AUTS2: variants seen among roughly 807,000 people sequenced by gnomAD.
AUTS2 encodes activator of transcription and developmental regulator AUTS2.
A neutral mutation model predicts 112.4 loss-of-function variants in AUTS2; 17 were observed. That is an observed-to-expected ratio of 0.15 (90% CI 0.10 to 0.23). The LOEUF (loss-of-function observed/expected upper bound fraction) is 0.23. AUTS2 is among the 10% of genes least tolerant of loss of function. The probability of loss-of-function intolerance (pLI) is 1.00; values close to 1 mark genes in which losing one functional copy is unlikely to be tolerated. For synonymous variants in AUTS2, 751 were observed against 702.7 expected, an observed-to-expected ratio of 1.07 and a Z score of -1.09; for missense variants, 1,510 against 1,701.6, an observed-to-expected ratio of 0.89 and a Z score of 1.98.
chr7:70,708,214 A>G (rs1225876105), intron 6 of AUTS2, among the ~76,000 whole-genome samples: 1 of 152,188 alleles, frequency 6.6e-6, no homozygotes, highest in Non-Finnish European at 1.5e-5. Flanking sequence ...CTCTGTTCAT[A>G]GCTGGGAAAG....
intron 6 of AUTS2, among the ~76,000 whole-genome samples, chr7:70,757,399 AT>A: frequency 6.6e-6 from 1 of 152,216 alleles, no homozygotes; most frequent in Admixed American, 6.5e-5. Flanking sequence ...AGGTAATTAT[AT>A]TTTTTGTAAA....
chr7:69,981,469 AAATT>A (rs1469385428), intron 2 of AUTS2, among the ~76,000 whole-genome samples: 15 of 152,310 alleles, frequency 9.8e-5, no homozygotes, highest in East Asian at 5.8e-4. Flanking sequence ...TCAATATTTC[AAATT>A]AATTAATTTC....
chr7:70,544,178 A>AAT (rs1800673714), intron 5 of AUTS2, among the ~76,000 whole-genome samples: 2 of 152,224 alleles, frequency 1.3e-5, no homozygotes, highest in Admixed American at 1.3e-4. Flanking sequence ...TTAACACAGG[A>AAT]ATCCTCATAG....
intron 2 of AUTS2, among the ~76,000 whole-genome samples, chr7:70,057,271 C>T (rs761291364): frequency 2.0e-5 from 3 of 152,062 alleles, no homozygotes; most frequent in Non-Finnish European, 2.9e-5. Flanking sequence ...TATCACATGC[C>T]GTTTACCAGG....
At chr7:70,332,247 G>C (rs530777326) in intron 4 of AUTS2, among the ~76,000 whole-genome samples, 26 of 152,144 alleles carry the variant, frequency 1.7e-4, no homozygotes, top group South Asian at 1.2e-3. Flanking sequence ...TAGGAATACA[G>C]CTTACAAGGG....
intron 5 of AUTS2, among the ~76,000 whole-genome samples, chr7:70,560,053 C>T (rs1801417182): frequency 6.6e-6 from 1 of 152,182 alleles, no homozygotes; most frequent in Non-Finnish European, 1.5e-5. Context: ...TTTGGTCTGG[C>T]CTTCCAACAA....
chr7:69,754,278 G>A (rs1787859920), intron 1 of AUTS2, among the ~76,000 whole-genome samples: 1 of 152,190 alleles, frequency 6.6e-6, no homozygotes, highest in Non-Finnish European at 1.5e-5. Context: ...GCTCCAAGGT[G>A]GTTTTGATGA....
At chr7:69,774,381 C>T (rs1788805531) in intron 1 of AUTS2, among the ~76,000 whole-genome samples, 1 of 152,184 alleles carries the variant, frequency 6.6e-6, no homozygotes, top group Non-Finnish European at 1.5e-5. Flanking sequence ...GCCTGGGCAA[C>T]AGAGTGAGAC....
chr7:70,103,909 CAA>C (rs879409153), intron 2 of AUTS2, among the ~76,000 whole-genome samples: 2 of 116,464 alleles, frequency 1.7e-5, no homozygotes, highest in African/African-American at 3.2e-5. Context: ...GACTCCATCT[CAA>C]AAAAAAAAAA....
At chr7:69,604,426 G>A (rs1342306869) in intron 1 of AUTS2, among the ~76,000 whole-genome samples, 2 of 152,224 alleles carry the variant, frequency 1.3e-5, no homozygotes, top group African/African-American at 2.4e-5. Context: ...AAAGTATGTA[G>A]TTTAGTTGAT....
chr7:70,140,477 G>C (rs1459301034), intron 4 of AUTS2, among the ~76,000 whole-genome samples: 1 of 152,152 alleles, frequency 6.6e-6, no homozygotes, highest in South Asian at 2.1e-4. Context: ...TTTAGTTTCA[G>C]AAGTACAGAT....
chr7:70,254,053 C>G (rs1786734398), intron 4 of AUTS2, among the ~76,000 whole-genome samples: 1 of 152,044 alleles, frequency 6.6e-6, no homozygotes. Context: ...TATTTTTGAC[C>G]TGAGTATTGC....
At chr7:70,526,392 C>T (rs1338917680) in intron 5 of AUTS2, among the ~76,000 whole-genome samples, 1 of 152,182 alleles carries the variant, frequency 6.6e-6, no homozygotes, top group Non-Finnish European at 1.5e-5. Context: ...GCTTCTGAGG[C>T]CGTGTGCGGT....
chr7:70,366,983 A>C (rs530290303), intron 4 of AUTS2, among the ~76,000 whole-genome samples: 1 of 152,120 alleles, frequency 6.6e-6, no homozygotes, highest in Admixed American at 6.6e-5. Flanking sequence ...AAAGGTTAGG[A>C]TTAGAAATAC....
chr7:70,105,038 C>T (rs1472496898), intron 2 of AUTS2, among the ~76,000 whole-genome samples: 2 of 152,286 alleles, frequency 1.3e-5, no homozygotes, highest in African/African-American at 4.8e-5. Context: ...TAAGGATGTA[C>T]TTTTACTACT....
At chr7:69,971,360 T>G (rs1243350998) in intron 2 of AUTS2, among the ~76,000 whole-genome samples, 1 of 152,224 alleles carries the variant, frequency 6.6e-6, no homozygotes, top group Non-Finnish European at 1.5e-5. Flanking sequence ...TATCACCTAA[T>G]GTATTTTTCA....
chr7:69,939,337 G>A (rs567868097), intron 2 of AUTS2, among the ~76,000 whole-genome samples: 1 of 152,108 alleles, frequency 6.6e-6, no homozygotes, highest in African/African-American at 2.4e-5. Flanking sequence ...ACTCTCTTTA[G>A]GCTTAAACTA....
intron 5 of AUTS2, among the ~76,000 whole-genome samples, chr7:70,599,377 C>G (rs1803361389): frequency 6.6e-6 from 1 of 152,208 alleles, no homozygotes; most frequent in Non-Finnish European, 1.5e-5. Flanking sequence ...TGTCTTTACA[C>G]TCGACCTGAT....
chr7:70,557,284 G>A (rs1392599670), intron 5 of AUTS2, among the ~76,000 whole-genome samples: 1 of 152,178 alleles, frequency 6.6e-6, no homozygotes, highest in Non-Finnish European at 1.5e-5. Flanking sequence ...GCACCCAGAA[G>A]CTGAAGACCC....
Sources: allele counts gnomAD v4.1 joint callset (sites outside exome capture counted in the v4.1 genomes callset), GRCh38; gene constraint gnomAD v4.1.1; transcripts MANE v1.5; gene names NCBI Gene and HGNC (gene_info 2026-07-23, HGNC 2026-07-21).